Variants in PADI4 observed in about 807,000 individuals in gnomAD.
PADI4 encodes protein-arginine deiminase type-4.
In PADI4, 62 loss-of-function variants were observed where a neutral mutation model predicts 75.0. The ratio of observed to expected loss-of-function variants is 0.83; its 90% confidence interval spans 0.67 to 1.02. PADI4 has a LOEUF of 1.02. PADI4 is among the 50% of genes least tolerant of loss of function. The probability of loss-of-function intolerance (pLI) is 0.00; values close to 1 mark genes in which losing one functional copy is unlikely to be tolerated. For missense variants in PADI4, 845 were observed against 850.5 expected (o/e 0.99, Z 0.08); for synonymous variants, 361 against 348.1 (o/e 1.04, Z -0.41).
intron 1 of PADI4, among the ~76,000 whole-genome samples, chr1:17,322,343 G>A (rs1263847317): frequency 2.0e-5 from 3 of 152,118 alleles, no homozygotes; most frequent in Non-Finnish European, 4.4e-5. Context: ...CAAAAAATTA[G>A]CCGGGAGTGG....
chr1:17,313,545 A>C (rs1460868480), intron 1 of PADI4, among the ~76,000 whole-genome samples: 1 of 151,022 alleles, frequency 6.6e-6, no homozygotes, highest in Non-Finnish European at 1.5e-5. Context: ...AGAAGGAAAG[A>C]AGGAAAGAAA....
At chr1:17,310,199 G>A (rs943405710) in intron 1 of PADI4, among the ~76,000 whole-genome samples, 6 of 151,812 alleles carry the variant, frequency 4.0e-5, no homozygotes, top group African/African-American at 9.7e-5. Context: ...TGGGAGGCAG[G>A]TAATGTTGTT....
chr1:17,340,762 C>G (rs2074403334), intron 6 of PADI4, among the ~76,000 whole-genome samples: 2 of 147,274 alleles, frequency 1.4e-5, no homozygotes, highest in South Asian at 2.2e-4. Context: ...CATTCTGATC[C>G]TGATCATTCT....
At chr1:17,344,581 T>A (rs1168394913) in intron 8 of PADI4, among the ~76,000 whole-genome samples, 1 of 152,204 alleles carries the variant, frequency 6.6e-6, no homozygotes, top group Non-Finnish European at 1.5e-5. Flanking sequence ...CCCCATGCTA[T>A]GTGCAGCCTA....
intron 14 of PADI4, 63 bp from the exon 15 acceptor site, chr1:17,359,217 T>TTCCCCCCCCC: frequency 7.7e-6 from 5 of 647,814 alleles, no homozygotes; most frequent in African/African-American, 3.8e-5. Context: ...CCCCACACTG[T>TTCCCCCCCCC]CCCCCACCCC....
At chr1:17,350,154 G>A (rs1044084589) in intron 10 of PADI4, among the ~76,000 whole-genome samples, 1 of 127,914 alleles carries the variant, frequency 7.8e-6, no homozygotes, top group Non-Finnish European at 1.8e-5. Context: ...TCTACTTTTC[G>A]TTGCCTGCGC....
chr1:17,352,430 G>T (rs1426505267), intron 10 of PADI4, among the ~76,000 whole-genome samples: 3 of 152,130 alleles, frequency 2.0e-5, no homozygotes, highest in Non-Finnish European at 2.9e-5. Context: ...GATCTGGTTT[G>T]TTAGAAAAGG....
chr1:17,356,521 T>C lies in PADI4; in HGVS notation c.1558+62T>C. The C allele has an allele frequency of 1.0e-6, 1 of 983,622 alleles. No homozygotes were observed. The highest frequency in any genetic ancestry group is 1.6e-5 in the African/African-American group (1 of 62,232). 60.9% of individuals were successfully genotyped at this position (983,622 alleles called of 1,614,324 possible). On this transcript the variant is annotated intron_variant, in intron 13 of 15. Transcript: ENST00000375448. This position sits in a 1 kb window ranked among gnomAD's most constrained non-coding sequence, Gnocchi z 4.1. ...CTTCCTGCTTCCCATAGTCCGCTGTTGCCTGGAGGGAATCATCCAGGCAAT... is the reference window on the plus strand; with the variant it reads ...CTTCCTGCTTCCCATAGTCCGCTGTCGCCTGGAGGGAATCATCCAGGCAAT...
chr1:17,339,206 C>T (rs974050549), intron 5 of PADI4, among the ~76,000 whole-genome samples: 2 of 152,174 alleles, frequency 1.3e-5, no homozygotes, highest in Non-Finnish European at 2.9e-5. Context: ...CCCTTGGGAA[C>T]CATCTCTTCA....
At chr1:17,317,638 G>A (rs761151965) in intron 1 of PADI4, among the ~76,000 whole-genome samples, 5 of 152,170 alleles carry the variant, frequency 3.3e-5, no homozygotes, top group Non-Finnish European at 5.9e-5. Context: ...TCAAAAATCA[G>A]GGTAATTCAG....
At chr1:17,321,425 C>T (rs4920592) in intron 1 of PADI4, among the ~76,000 whole-genome samples, 82,777 of 152,142 alleles carry the variant, frequency 0.54, 22,874 homozygotes, top group East Asian at 0.6. Flanking sequence ...GACTTCACCT[C>T]TCTGTGCCTC....
At chr1:17,361,492 C>T (rs1287245085) in intron 15 of PADI4, among the ~76,000 whole-genome samples, 3 of 152,188 alleles carry the variant, frequency 2.0e-5, no homozygotes, top group South Asian at 2.1e-4. Context: ...ATGAACAGTA[C>T]GAGGCACTTA....
At chr1:17,348,079 C>T in intron 10 of PADI4, 31 bp downstream of exon 10, 1 of 1,361,274 alleles carries the variant, frequency 7.3e-7, no homozygotes, top group African/African-American at 1.4e-5. Flanking sequence ...GGGGGCACAG[C>T]TGCCGAAACC....
chr1:17,334,784 C>T (rs2074280777), intron 3 of PADI4: 1 of 355,604 alleles, frequency 2.8e-6, no homozygotes, highest in Admixed American at 3.7e-5. Flanking sequence ...AAATAAAATC[C>T]ATTCTTAAAC....
At chr1:17,308,692 G>A (rs1029746332) in intron 1 of PADI4, among the ~76,000 whole-genome samples, 1 of 152,182 alleles carries the variant, frequency 6.6e-6, no homozygotes, top group Non-Finnish European at 1.5e-5. Flanking sequence ...CTGGTTCACA[G>A]CACAGTTTGT....
At chr1:17,345,638 A>T (rs1158351793) in intron 8 of PADI4, among the ~76,000 whole-genome samples, 1 of 152,150 alleles carries the variant, frequency 6.6e-6, no homozygotes, top group East Asian at 1.9e-4. Flanking sequence ...TGATGGTTTT[A>T]TCAGGTTTTT....
chr1:17,347,269 G>C (rs1185613778), intron 9 of PADI4, among the ~76,000 whole-genome samples: 1 of 152,124 alleles, frequency 6.6e-6, no homozygotes, highest in African/African-American at 2.4e-5. Flanking sequence ...AAGTTGACCT[G>C]TGTGAAATTG....
chr1:17,357,460 C>A (rs542113529), intron 13 of PADI4, among the ~76,000 whole-genome samples: 13 of 152,268 alleles, frequency 8.5e-5, no homozygotes, highest in African/African-American at 3.1e-4. Context: ...AGCCACCACG[C>A]CTGGCTTAAA....
intron 6 of PADI4, 129 bp downstream of exon 6, chr1:17,339,942 G>A: frequency 2.0e-6 from 2 of 1,012,458 alleles, no homozygotes; most frequent in Middle Eastern, 2.3e-4. Flanking sequence ...AGACGCAGCA[G>A]TGGGCAAGAC....
Sources: gnomAD v4.1 joint callset for allele counts (sites outside exome capture counted in the v4.1 genomes callset) on GRCh38, gnomAD v4.1.1 for gene constraint, Gnocchi (gnomAD v3.1) non-coding constraint, MANE v1.5 for transcripts, NCBI Gene and HGNC (gene_info 2026-07-23, HGNC 2026-07-21) for gene names.